LARP1: variants seen among roughly 807,000 people sequenced by gnomAD.
The protein encoded by LARP1 is la-related protein 1.
In LARP1, 36 loss-of-function variants were observed where a neutral mutation model predicts 122.7. The observed-to-expected ratio is 0.29, with a 90% CI of 0.22 to 0.39. LARP1 has a LOEUF of 0.39. Ranked by LOEUF, LARP1 falls within the 10% of genes least tolerant of loss-of-function variation. The probability of loss-of-function intolerance (pLI) is 1.00; values close to 1 mark genes in which losing one functional copy is unlikely to be tolerated. For missense variants in LARP1, 1,040 were observed against 1,403.6 expected, an observed-to-expected ratio of 0.74 and a Z score of 4.14; for synonymous variants, 539 against 528.7, an observed-to-expected ratio of 1.02 and a Z score of -0.27.
chr5:154,811,695 G>GA (rs1259869164), intron 18 of LARP1, 55 bp downstream of exon 18: 2 of 1,605,240 alleles, frequency 1.2e-6, no homozygotes, highest in Non-Finnish European at 1.7e-6. Flanking sequence ...ACTGGACCAG[G>GA]AATCAGGATA....
intron 1 of LARP1, among the ~76,000 whole-genome samples, chr5:154,723,639 T>C (rs1756021869): frequency 6.6e-6 from 1 of 152,232 alleles, no homozygotes; most frequent in East Asian, 1.9e-4. Context: ...TTGTCTCATT[T>C]AATCTTTCAA....
chr5:154,724,026 TAGTG>T (rs1212212145), intron 1 of LARP1, among the ~76,000 whole-genome samples: 6 of 152,176 alleles, frequency 3.9e-5, no homozygotes, highest in Non-Finnish European at 8.8e-5. Flanking sequence ...TCTCAGACTG[TAGTG>T]AGTATTTTGA....
chr5:154,719,811 G>A (rs1582199285), intron 1 of LARP1, among the ~76,000 whole-genome samples: 2 of 149,386 alleles, frequency 1.3e-5, no homozygotes, highest in African/African-American at 4.9e-5. Context: ...GCAGTGAGCC[G>A]AAATTGTGCC....
chr5:154,756,369 C>CA, intron 1 of LARP1, 176 bp downstream of exon 1: 1 of 984,562 alleles, frequency 1.0e-6, no homozygotes. Context: ...ACCGTACACT[C>CA]AGGGACCTGC....
At chr5:154,807,272 C>T (rs1411376745) in intron 15 of LARP1, among the ~76,000 whole-genome samples, 1 of 152,050 alleles carries the variant, frequency 6.6e-6, no homozygotes, top group Non-Finnish European at 1.5e-5. Flanking sequence ...TACTTTTTGT[C>T]TATTGTGAAT....
Position 154,716,050 on chromosome 5 carries a change from A to G in LARP1, c.205+2920A>G, listed in dbSNP as rs554691722. On this transcript the variant is annotated intron_variant, in intron 1 of 18. Transcript: ENST00000336314. ...GCCTGGGGCCCTTACCCCTTCCACCAGAAGTTACAAATCAGGCTAGACTGC... is the reference window on the plus strand; with the variant it reads ...GCCTGGGGCCCTTACCCCTTCCACCGGAAGTTACAAATCAGGCTAGACTGC... Among the ~76,000 whole-genome samples the G allele has an allele frequency of 5.3e-5, 8 of 152,196 alleles. No individual in the cohort carries two copies. In the South Asian group the frequency reaches 1.7e-3, roughly 32 times the overall value.
intron 1 of LARP1, among the ~76,000 whole-genome samples, chr5:154,768,595 T>G (rs1018737750): frequency 6.6e-6 from 1 of 152,164 alleles, no homozygotes; most frequent in Middle Eastern, 3.2e-3. Flanking sequence ...TTTATTTATT[T>G]ATTTGAGACG....
intron 1 of LARP1, 74 bp downstream of exon 1, chr5:154,756,267 T>C: frequency 9.2e-7 from 1 of 1,089,740 alleles, no homozygotes; most frequent in Non-Finnish European, 1.1e-6. Context: ...CCCCAGCACC[T>C]CCAGGGCCCC....
At chr5:154,794,864 A>G (rs916345985) in intron 7 of LARP1, among the ~76,000 whole-genome samples, 2 of 152,254 alleles carry the variant, frequency 1.3e-5, no homozygotes, top group African/African-American at 2.4e-5. Flanking sequence ...TAGAGTGTTT[A>G]TAAGTGTTTT....
intron 1 of LARP1, among the ~76,000 whole-genome samples, chr5:154,763,123 C>T (rs534988702): frequency 6.7e-6 from 1 of 149,754 alleles, no homozygotes; most frequent in African/African-American, 2.5e-5. Flanking sequence ...GTGCAGTGCA[C>T]GATCTCAGCT....
intron 16 of LARP1, among the ~76,000 whole-genome samples, chr5:154,810,079 A>G (rs1346759635): frequency 1.3e-5 from 2 of 152,082 alleles, no homozygotes; most frequent in African/African-American, 2.4e-5. Flanking sequence ...TTGCATCTCT[A>G]TTCGTTGACA....
chr5:154,752,116 T>C (rs931987656), upstream of LARP1, among the ~76,000 whole-genome samples: 5 of 152,338 alleles, frequency 3.3e-5, no homozygotes, highest in African/African-American at 1.2e-4. Context: ...AGCCCCAGTT[T>C]CATTATTTTA....
In LARP1 at chr5:154,803,373, CAACCAGG is replaced by C; in HGVS notation, c.2196_2202del (p.Asn732LysfsTer71). On this transcript the variant is annotated frameshift_variant, in exon 12 of 19. Transcript: ENST00000518297. LOFTEE classifies it high-confidence loss of function. The surrounding 1 kb of genome is among the most constrained non-coding windows in gnomAD (Gnocchi z 4.4). ...TGACCCCTGAGCCCCCTGTGGATCC[CAACCAGG>C]AAGTTCCTCCTGGGCCACCTCGGTT... 1 of 1,614,170 alleles carries C rather than the reference CAACCAGG, an allele frequency of 6.2e-7. No individual in the cohort carries two copies. The highest frequency in any genetic ancestry group is 8.5e-7 in the Non-Finnish European group (1 of 1,180,046).
intron 10 of LARP1, among the ~76,000 whole-genome samples, chr5:154,801,366 C>G (rs1334424321): frequency 6.6e-6 from 1 of 152,194 alleles, no homozygotes; most frequent in Non-Finnish European, 1.5e-5. Flanking sequence ...GCTCCTTTAA[C>G]TGTGTGCATC....
intron 1 of LARP1, among the ~76,000 whole-genome samples, chr5:154,692,395 C>T (rs1358890471): frequency 1.3e-5 from 2 of 152,130 alleles, no homozygotes; most frequent in Non-Finnish European, 2.9e-5. Flanking sequence ...TTAAGTGAGT[C>T]ACTTAGCATA....
In LARP1 at chr5:154,813,875, C is replaced by T. The variant is rs749793561; in HGVS notation, c.3082-12C>T. ...TGCTTCTGATCACCTGTGACTCCTT[C>T]CTCTGTTGCAGCCCCCCATGGGTGA... On this transcript the variant is annotated splice_polypyrimidine_tract_variant and intron_variant, in intron 18 of 18. Transcript: ENST00000518297. The T allele has an allele frequency of 3.1e-6, 5 of 1,611,838 alleles. No homozygotes were observed. Among genetic ancestry groups the T allele is most frequent in the Non-Finnish European group, 1.7e-6 (2 of 1,178,556 alleles).
chr5:154,755,189 C>CG (rs1753735013), upstream of LARP1, among the ~76,000 whole-genome samples: 1 of 150,220 alleles, frequency 6.7e-6, no homozygotes, highest in Non-Finnish European at 1.5e-5. Flanking sequence ...GGGCGAGGGG[C>CG]AGGACCGCGT....
chr5:154,722,924 AC>A (rs1192891967), intron 1 of LARP1, among the ~76,000 whole-genome samples: 2 of 152,028 alleles, frequency 1.3e-5, no homozygotes, highest in Non-Finnish European at 2.9e-5. Context: ...CAGGTGATCC[AC>A]CCACCTCGGC....
intron 1 of LARP1, among the ~76,000 whole-genome samples, chr5:154,778,550 G>T (rs900769935): frequency 1.3e-5 from 2 of 152,136 alleles, no homozygotes; most frequent in Non-Finnish European, 2.9e-5. Context: ...CTGGAAAGCC[G>T]GCTGCATTTA....
Sources: allele counts gnomAD v4.1 joint callset (sites outside exome capture counted in the v4.1 genomes callset), GRCh38; gene constraint gnomAD v4.1.1; non-coding constraint Gnocchi (gnomAD v3.1); transcripts MANE v1.5; gene names NCBI Gene and HGNC (gene_info 2026-07-23, HGNC 2026-07-21).